The following COL11A1 variants were observed in gnomAD, a reference collection of about 807,000 sequenced individuals.
The protein encoded by COL11A1 is collagen alpha-1(XI) chain.
In COL11A1, 74 loss-of-function variants were observed where a neutral mutation model predicts 265.2. The ratio of observed to expected loss-of-function variants is 0.28; its 90% CI spans 0.23 to 0.34. COL11A1 has a LOEUF of 0.34. Among genes scored for constraint, COL11A1 ranks in the 10% least tolerant of loss-of-function variants. The probability of loss-of-function intolerance (pLI) is 1.00; values close to 1 mark genes in which losing one functional copy is unlikely to be tolerated. For synonymous variants in COL11A1, 816 were observed against 727.6 expected (o/e 1.12, Z -1.96); for missense variants, 2,165 against 2,263.6 (o/e 0.96, Z 0.88).
intron 4 of COL11A1, among the ~76,000 whole-genome samples, chr1:103,072,206 G>T (rs1443070717): frequency 6.6e-6 from 1 of 151,726 alleles, no homozygotes; most frequent in African/African-American, 2.4e-5. Flanking sequence ...CTTCAGTTTT[G>T]CATTTAGCTG....
chr1:102,988,614 G>A (rs575685025), intron 29 of COL11A1, among the ~76,000 whole-genome samples: 178 of 151,258 alleles, frequency 1.2e-3, no homozygotes, highest in African/African-American at 4.2e-3. Flanking sequence ...AGGCTTGAAA[G>A]TGTTTGACTT....
At chr1:102,997,498 G>A (rs1664741772) in intron 25 of COL11A1, among the ~76,000 whole-genome samples, 1 of 151,916 alleles carries the variant, frequency 6.6e-6, no homozygotes, top group African/African-American at 2.4e-5. Flanking sequence ...GATCATACAT[G>A]CACCTTCAAA....
intron 60 of COL11A1, 31 bp downstream of exon 60, chr1:102,888,835 A>T (rs1482086449): frequency 2.5e-6 from 4 of 1,611,942 alleles, no homozygotes; most frequent in Non-Finnish European, 3.4e-6. Flanking sequence ...ACTTAACCCT[A>T]CCTTATAAGG....
In COL11A1 at chr1:103,074,721, T is replaced by C. The variant is rs1671839259; in HGVS notation, c.548A>G (p.Lys183Arg). ...ATCAAGTGGTTTCGTGGTTTTCTTC[T>C]TACAATCAACAATCATTGTCACAGT... is the stretch of plus-strand genomic sequence containing the variant. ...KKTVTMIVDC[K>R]KKTTKPLDRS... is the part of the protein sequence containing the mutation. Residue 183 changes from lysine (K) to arginine (R), a missense_variant, in exon 4 of 67, where the codon AAG becomes AGG. Physicochemically the swap from Lys to Arg is conservative, Grantham distance 26 (BLOSUM62 2). Transcript: ENST00000370096. 1 of 1,613,424 alleles carries C rather than the reference T, an allele frequency of 6.2e-7. No individual in the cohort carries two copies.
chr1:103,026,159 A>G lies in COL11A1; in HGVS notation c.897+57T>C. 3.1e-6 allele frequency: 4 copies of G among 1,303,020 alleles called. No homozygotes were observed. In the African/African-American group the frequency reaches 5.8e-5, roughly 19 times the overall value. 80.7% of individuals were successfully genotyped at this position (1,303,020 alleles called of 1,614,324 possible). On this transcript the variant is annotated intron_variant, in intron 6 of 66. Transcript: ENST00000370096. ...AGTTTGAGGAACAGTCAACATAAGG[A>G]ACCACAGGATGACGAACAGCAGGAC...
chr1:102,928,330 T>C (rs993543521), intron 46 of COL11A1, among the ~76,000 whole-genome samples: 2 of 146,050 alleles, frequency 1.4e-5, no homozygotes, highest in Non-Finnish European at 3.0e-5. Context: ...AATTCCCACC[T>C]ATGAGTGAGA....
chr1:103,058,778 T>C (rs867332366), intron 4 of COL11A1, among the ~76,000 whole-genome samples: 7 of 152,188 alleles, frequency 4.6e-5, no homozygotes, highest in African/African-American at 9.7e-5. Context: ...TACCATCTTA[T>C]TGTGTACATT....
In COL11A1 at chr1:102,946,772, A is replaced by T. The variant is rs940893872; in HGVS notation, c.3276+77T>A. On this transcript the variant is annotated intron_variant, in intron 42 of 66. Coordinates refer to ENST00000370096, the MANE Select transcript of COL11A1 (RefSeq NM_001854.4). ...AGAGAGAATACGGTGGTGTATGAAA[A>T]GCTAATATTATTGAATAAAAAGTAA... The T allele has an allele frequency of 4.3e-6, 5 of 1,160,334 alleles. No homozygotes were observed. In the African/African-American group the frequency reaches 4.6e-5, roughly 11 times the overall value. The allele number at this position is 1,160,334 out of a possible 1,614,324, so 71.9% of individuals were successfully genotyped here. A position where few individuals can be genotyped will look rare whatever the true frequency, so the allele number is the denominator to read the frequency against.
At chr1:103,005,144 A>G (rs1571006285) in intron 18 of COL11A1, among the ~76,000 whole-genome samples, 1 of 152,128 alleles carries the variant, frequency 6.6e-6, no homozygotes, top group Non-Finnish European at 1.5e-5. Context: ...TTAGACACAT[A>G]CTATATGTTC....
intron 41 of COL11A1, among the ~76,000 whole-genome samples, chr1:102,953,458 G>T (rs1310069511): frequency 1.3e-5 from 2 of 151,986 alleles, no homozygotes; most frequent in African/African-American, 4.8e-5. Flanking sequence ...TTTTTGTCAT[G>T]TTTACTATGA....
chr1:103,054,137 C>A (rs1048740196), intron 4 of COL11A1, among the ~76,000 whole-genome samples: 1 of 152,042 alleles, frequency 6.6e-6, no homozygotes, highest in African/African-American at 2.4e-5. Flanking sequence ...GTTTGTTGTC[C>A]ACAGTTTATT....
intron 13 of COL11A1, among the ~76,000 whole-genome samples, chr1:103,013,689 C>T (rs925263950): frequency 2.0e-5 from 3 of 151,768 alleles, no homozygotes; most frequent in African/African-American, 7.2e-5. Flanking sequence ...ACACATGCTG[C>T]ATAAATTCAT....
intron 46 of COL11A1, among the ~76,000 whole-genome samples, chr1:102,931,358 G>T (rs1001782089): frequency 6.1e-5 from 9 of 147,560 alleles, no homozygotes; most frequent in Non-Finnish European, 1.4e-4. Context: ...GTACCCAGTA[G>T]TCATTCAGGA....
rs1652817699 is a variant in COL11A1 at position 102,898,994 on chromosome 1, C to A, written c.4087G>T (p.Gly1363Cys). The change falls in exon 55 of 67, where the codon GGT becomes TGT. Residue 1363 changes from glycine (G) to cysteine (C), a missense_variant and splice_region_variant. Physicochemically the swap from Gly to Cys is radical, Grantham distance 159 (BLOSUM62 -3). Coordinates refer to ENST00000370096, the MANE Select transcript of COL11A1 (RefSeq NM_001854.4). Reference protein sequence around the residue: ...AGPPGPPGKRGPPGAAGAEGR... With the variant: ...AGPPGPPGKRCPPGAAGAEGR... ...TCTGCACCTGCAGCTCCAGGAGGAC[C>A]CTATAGACATAAGATTTATTGTAAA... is the stretch of plus-strand genomic sequence containing the variant. 1 of 1,529,484 alleles carries A rather than the reference C, an allele frequency of 6.5e-7. No homozygotes were observed. The highest frequency in any genetic ancestry group is 8.9e-7 in the Non-Finnish European group (1 of 1,128,808). The allele number at this position is 1,529,484 out of a possible 1,614,324, so 94.7% of individuals were successfully genotyped here. A position where few individuals can be genotyped will look rare whatever the true frequency, so the allele number is the denominator to read the frequency against.
intron 44 of COL11A1, 98 bp downstream of exon 44, chr1:102,938,937 G>T: frequency 1.0e-6 from 1 of 990,498 alleles, no homozygotes; most frequent in Non-Finnish European, 1.6e-6. Context: ...TATAAGTATT[G>T]GCTAGGAAAG....
In COL11A1 at chr1:103,108,499, C is replaced by A; in HGVS notation, c.-321G>T. Reference sequence around the variant, plus strand: ...CCAACAAGCTGAGAGTACTGTGTGCCCCTAAAGGCTTCATGCCGTCAGTGG... The same window carrying A: ...CCAACAAGCTGAGAGTACTGTGTGCACCTAAAGGCTTCATGCCGTCAGTGG... On this transcript the variant is annotated 5_prime_UTR_variant, in exon 1 of 67. Coordinates refer to ENST00000370096, the MANE Select transcript of COL11A1 (RefSeq NM_001854.4). The A allele has an allele frequency of 3.5e-6, 2 of 574,940 alleles. No individual in the cohort carries two copies. The highest frequency in any genetic ancestry group is 6.2e-6 in the Non-Finnish European group (2 of 324,900). 35.6% of individuals were successfully genotyped at this position (574,940 alleles called of 1,614,324 possible).
chr1:103,065,075 TCTG>T (rs1670995760), intron 4 of COL11A1, among the ~76,000 whole-genome samples: 1 of 152,144 alleles, frequency 6.6e-6, no homozygotes, highest in Admixed American at 6.5e-5. Context: ...TGTAGTTTCA[TCTG>T]TTGTAATAAA....
chr1:102,876,525 C>T lies in COL11A1; in HGVS notation c.*1494G>A, dbSNP rs1649523832. 1 of 152,426 alleles carries T rather than the reference C, an allele frequency of 6.6e-6. No homozygotes were observed. Among genetic ancestry groups the T allele is most frequent in the African/African-American group, 2.4e-5 (1 of 41,438 alleles). The allele number at this position is 152,426 out of a possible 1,614,324, so 9.4% of individuals were successfully genotyped here. ...ATTCATATCTCCCTTCTTAAAAGGA[C>T]ATTTACAAACTCGATTTCAAAAATA... On this transcript the variant is annotated 3_prime_UTR_variant, in exon 67 of 67. Coordinates refer to ENST00000370096, the MANE Select transcript of COL11A1 (RefSeq NM_001854.4).
chr1:103,068,379 G>A (rs77561414), intron 4 of COL11A1, among the ~76,000 whole-genome samples: 5,234 of 151,540 alleles, frequency 0.035, 323 homozygotes, highest in African/African-American at 0.12. Context: ...TAGAAAAAGC[G>A]TTTTATAAAA....
Sources: gnomAD v4.1 joint callset for allele counts (sites outside exome capture counted in the v4.1 genomes callset) on GRCh38, gnomAD v4.1.1 for gene constraint, MANE v1.5 for transcripts, NCBI Gene and HGNC (gene_info 2026-07-23, HGNC 2026-07-21) for gene names.